The following COL14A1 variants were observed in gnomAD, a reference collection of about 807,000 sequenced individuals.
COL14A1 encodes the protein collagen type XIV alpha 1 chain.
Under a neutral mutation model 230.3 loss-of-function variants are expected in COL14A1, and 136 were observed. The observed-to-expected ratio is 0.59, with a 90% CI of 0.51 to 0.68. The LOEUF is 0.68. Among genes scored for constraint, COL14A1 ranks in the 30% least tolerant of loss-of-function variants. The probability of loss-of-function intolerance (pLI) is 0.00; values close to 1 mark genes in which losing one functional copy is unlikely to be tolerated. For synonymous variants in COL14A1, 792 were observed against 784.1 expected (o/e 1.01, Z -0.17); for missense variants, 1,976 against 2,215.8 (o/e 0.89, Z 2.17).
chr8:120,237,032 G>T (rs199660665), intron 19 of COL14A1, among the ~76,000 whole-genome samples: 1 of 152,102 alleles, frequency 6.6e-6, no homozygotes, highest in South Asian at 2.1e-4. Flanking sequence ...CCAACCTTTC[G>T]CTCTGGCTGC....
At chr8:120,171,414 T>C (rs1816091033) in intron 5 of COL14A1, among the ~76,000 whole-genome samples, 1 of 152,192 alleles carries the variant, frequency 6.6e-6, no homozygotes, top group Non-Finnish European at 1.5e-5. Flanking sequence ...TCCACTTCCC[T>C]TCACAGAAGA....
At chr8:120,249,018 C>T (rs1305484661) in intron 21 of COL14A1, among the ~76,000 whole-genome samples, 2 of 147,766 alleles carry the variant, frequency 1.4e-5, no homozygotes, top group Non-Finnish European at 3.0e-5. Flanking sequence ...CTCCGCCTCC[C>T]GGGTTCACGC....
chr8:120,258,722 C>A (rs1819238510), intron 23 of COL14A1, among the ~76,000 whole-genome samples: 1 of 152,054 alleles, frequency 6.6e-6, no homozygotes, highest in Non-Finnish European at 1.5e-5. Context: ...ATCCATTTGC[C>A]AAATTAAATG....
chr8:120,135,054 C>T (rs1814665098), intron 1 of COL14A1, among the ~76,000 whole-genome samples: 1 of 152,066 alleles, frequency 6.6e-6, no homozygotes, highest in African/African-American at 2.4e-5. Context: ...AGAGAGTTCA[C>T]CGAACAAAAG....
intron 19 of COL14A1, among the ~76,000 whole-genome samples, chr8:120,238,607 G>T (rs905833445): frequency 1.3e-5 from 2 of 152,172 alleles, no homozygotes; most frequent in Non-Finnish European, 1.5e-5. Context: ...CCCTTTCCAG[G>T]GGAGTGAATG....
At chr8:120,360,563 CA>C (rs1436459993) in intron 45 of COL14A1, among the ~76,000 whole-genome samples, 2 of 152,226 alleles carry the variant, frequency 1.3e-5, no homozygotes, top group Non-Finnish European at 2.9e-5. Context: ...ACTTCTTTAG[CA>C]GATAATGCCT....
rs760021018 is a variant in COL14A1, at chr8:120,162,573, C to T, written c.349+4C>T. 39 of 1,598,964 alleles carry T rather than the reference C, an allele frequency of 2.4e-5. 1 individual carries two copies. Among genetic ancestry groups the T allele is most frequent in the East Asian group, 9.0e-5 (4 of 44,524 alleles). ...CCAGCTCAAGGCCAATTCAGAAGTA[C>T]GTATTTACAGTTCTCAAAGCACCTC... On this transcript the variant is annotated splice_donor_region_variant and intron_variant, in intron 4 of 47. Transcript: ENST00000297848.
At chr8:120,340,018 A>T (rs1822232119) in intron 42 of COL14A1, among the ~76,000 whole-genome samples, 1 of 142,940 alleles carries the variant, frequency 7.0e-6, no homozygotes, top group African/African-American at 2.7e-5. Flanking sequence ...AGTCTGGGAG[A>T]TAGAGGGAGA....
intron 2 of COL14A1, among the ~76,000 whole-genome samples, chr8:120,155,920 T>C (rs1351930747): frequency 1.3e-5 from 2 of 152,202 alleles, no homozygotes; most frequent in Non-Finnish European, 2.9e-5. Context: ...AAATTTATGC[T>C]TTCTCATTAG....
At chr8:120,203,925 T>C in intron 9 of COL14A1, 55 bp downstream of exon 9, 1 of 1,514,984 alleles carries the variant, frequency 6.6e-7, no homozygotes, top group African/African-American at 1.4e-5. Flanking sequence ...TGCACAAGCC[T>C]ATTGTGAATT....
intron 35 of COL14A1, among the ~76,000 whole-genome samples, chr8:120,299,201 G>A (rs1184234062): frequency 1.3e-5 from 2 of 151,988 alleles, no homozygotes; most frequent in African/African-American, 4.8e-5. Flanking sequence ...TGGGGACACA[G>A]CCAAACTGTA....
chr8:120,231,623 G>A lies in COL14A1; in HGVS notation c.2349+5G>A. 3.7e-6 allele frequency: 6 copies of A among 1,611,420 alleles called. No individual in the cohort carries two copies. Among genetic ancestry groups the A allele is most frequent in the Non-Finnish European group, 5.1e-6 (6 of 1,179,098 alleles). ...GAGGAAGAAGTCATAGGAACGGTCT[G>A]TATAAATTCAACTGACTAGAAACTC... On this transcript the variant is annotated splice_donor_5th_base_variant and intron_variant, in intron 19 of 47. Transcript: ENST00000297848.
At chr8:120,367,315 AGG>A in intron 46 of COL14A1, 67 bp downstream of exon 46, 1 of 1,301,806 alleles carries the variant, frequency 7.7e-7, no homozygotes, top group Non-Finnish European at 1.1e-6. Context: ...ATTGCAAGTG[AGG>A]AAAATGGTCA....
chr8:120,339,106 G>GT (rs1822192499), intron 42 of COL14A1, among the ~76,000 whole-genome samples: 1 of 152,134 alleles, frequency 6.6e-6, no homozygotes, highest in African/African-American at 2.4e-5. Flanking sequence ...CTACAGGCGT[G>GT]TGCCACCACA....
chr8:120,276,114 A>G (rs1819833132), intron 26 of COL14A1, among the ~76,000 whole-genome samples: 1 of 150,878 alleles, frequency 6.6e-6, no homozygotes, highest in South Asian at 2.1e-4. Flanking sequence ...AGACAATGTT[A>G]TATATATATG....
In COL14A1 at chr8:120,310,324, G is replaced by A. The variant is rs186371425; in HGVS notation, c.4455+262G>A. On this transcript the variant is annotated intron_variant, in intron 37 of 47. Coordinates refer to ENST00000297848, the MANE Select transcript of COL14A1 (RefSeq NM_021110.4). ...ATGTTCTGAGTGGTTTAGTCTCCAA[G>A]GTAGTTCTCTCAGAAATTGTACATT... Among the ~76,000 whole-genome samples, 707 of 152,238 alleles carry A rather than the reference G, an allele frequency of 4.6e-3. 5 individuals carry two copies. Among genetic ancestry groups the A allele is most frequent in the Non-Finnish European group, 7.0e-3 (474 of 68,006 alleles).
At chr8:120,198,967 A>T (rs750094100) in intron 7 of COL14A1, among the ~76,000 whole-genome samples, 3 of 152,162 alleles carry the variant, frequency 2.0e-5, no homozygotes, top group Non-Finnish European at 2.9e-5. Context: ...ACGATTAATG[A>T]TATTAGATTT....
chr8:120,283,614 A>G (rs753451641), intron 31 of COL14A1, 22 bp from the exon 32 acceptor site: 1 of 1,576,156 alleles, frequency 6.3e-7, no homozygotes, highest in Non-Finnish European at 8.6e-7. Context: ...ACAATGAAAC[A>G]TGGTTTTCTT....
intron 11 of COL14A1, among the ~76,000 whole-genome samples, chr8:120,209,499 T>C (rs535528023): frequency 6.6e-6 from 1 of 152,262 alleles, no homozygotes; most frequent in East Asian, 1.9e-4. Context: ...GAGCTGGAAA[T>C]GTCAGCAAAG....
Sources: gnomAD v4.1 joint callset for allele counts (sites outside exome capture counted in the v4.1 genomes callset) on GRCh38, gnomAD v4.1.1 for gene constraint, MANE v1.5 for transcripts, NCBI Gene and HGNC (gene_info 2026-07-23, HGNC 2026-07-21) for gene names.